FRMD4A: variants seen among roughly 807,000 people sequenced by gnomAD.
FRMD4A encodes the protein FERM domain-containing protein 4A.
Under a neutral mutation model 129.1 loss-of-function variants are expected in FRMD4A, and 29 were observed. The ratio of observed to expected loss-of-function variants is 0.22; its 90% confidence interval spans 0.17 to 0.31. The LOEUF (loss-of-function observed/expected upper bound fraction) is 0.31. FRMD4A is among the 10% of genes least tolerant of loss of function. The pLI is 1.00. For synonymous variants in FRMD4A, 634 were observed against 571.6 expected (o/e 1.11, Z -1.56); for missense variants, 1,272 against 1,375.8 (o/e 0.92, Z 1.19).
At chr10:13,732,825 G>T (rs1262839938) in intron 12 of FRMD4A, among the ~76,000 whole-genome samples, 2 of 152,250 alleles carry the variant, frequency 1.3e-5, no homozygotes, top group Admixed American at 1.3e-4. Flanking sequence ...GGTGTGCAGG[G>T]ACACTGCTGG....
intron 15 of FRMD4A, among the ~76,000 whole-genome samples, chr10:13,687,314 A>T (rs140533564): frequency 2.1e-3 from 315 of 152,270 alleles, no homozygotes; most frequent in African/African-American, 7.1e-3. Context: ...AAATGAATGA[A>T]TGAATGAGCT....
intron 2 of FRMD4A, among the ~76,000 whole-genome samples, chr10:13,968,571 G>A (rs1342609377): frequency 6.6e-6 from 1 of 152,198 alleles, no homozygotes; most frequent in Non-Finnish European, 1.5e-5. Flanking sequence ...TCCCGCCTCA[G>A]CCTCCCGAGT....
intron 2 of FRMD4A, among the ~76,000 whole-genome samples, chr10:13,908,042 G>A (rs1440129714): frequency 1.3e-5 from 2 of 151,530 alleles, no homozygotes; most frequent in Non-Finnish European, 2.9e-5. Context: ...GCGGGCACCT[G>A]TAATCCCAGC....
At chr10:14,195,216 G>A (rs1441862064) in intron 2 of FRMD4A, among the ~76,000 whole-genome samples, 1 of 152,108 alleles carries the variant, frequency 6.6e-6, no homozygotes, top group Non-Finnish European at 1.5e-5. Flanking sequence ...TTTTGCTTGA[G>A]TGGAAACAGG....
intron 2 of FRMD4A, among the ~76,000 whole-genome samples, chr10:13,869,686 T>C (rs1358642308): frequency 1.3e-5 from 2 of 152,312 alleles, no homozygotes; most frequent in Admixed American, 6.5e-5. Flanking sequence ...GCTTTCTGGG[T>C]GACATCCAAC....
intron 2 of FRMD4A, among the ~76,000 whole-genome samples, chr10:14,236,762 A>T (rs1843831298): frequency 6.6e-6 from 1 of 152,172 alleles, no homozygotes; most frequent in Non-Finnish European, 1.5e-5. Flanking sequence ...CAGATTAACA[A>T]ACAAATAATC....
chr10:13,779,326 A>G (rs28415230), intron 6 of FRMD4A, among the ~76,000 whole-genome samples: 6 of 152,112 alleles, frequency 3.9e-5, no homozygotes, highest in Admixed American at 3.9e-4. Context: ...CAAGAAAAAA[A>G]AAAAAAAGAC....
chr10:13,823,920 C>A (rs375020094), intron 3 of FRMD4A, among the ~76,000 whole-genome samples: 14 of 152,144 alleles, frequency 9.2e-5, no homozygotes, highest in African/African-American at 3.4e-4. Flanking sequence ...GTGTAACGGA[C>A]GGAAGGTGTG....
chr10:14,266,865 A>G (rs1327292315), intron 2 of FRMD4A, among the ~76,000 whole-genome samples: 1 of 152,240 alleles, frequency 6.6e-6, no homozygotes, highest in East Asian at 1.9e-4. Context: ...AAAAATACAT[A>G]GAGTAGTCAA....
At chr10:14,084,378 C>T (rs948647326) in intron 2 of FRMD4A, among the ~76,000 whole-genome samples, 2 of 152,180 alleles carry the variant, frequency 1.3e-5, no homozygotes, top group Non-Finnish European at 2.9e-5. Context: ...AACTCCTGAC[C>T]TCAAGTGATC....
chr10:14,127,464 G>A (rs1347641586), intron 2 of FRMD4A, among the ~76,000 whole-genome samples: 2 of 152,210 alleles, frequency 1.3e-5, no homozygotes, highest in Admixed American at 1.3e-4. Flanking sequence ...AGATGGAGAA[G>A]GTTTTTAGGG....
At chr10:14,245,283 G>T (rs561029818) in intron 2 of FRMD4A, among the ~76,000 whole-genome samples, 1 of 152,354 alleles carries the variant, frequency 6.6e-6, no homozygotes, top group South Asian at 2.1e-4. Context: ...CTCCGGGTTC[G>T]TTGGTGAGGT....
intron 3 of FRMD4A, among the ~76,000 whole-genome samples, chr10:13,827,156 G>C (rs11258653): frequency 6.6e-6 from 1 of 151,970 alleles, no homozygotes; most frequent in South Asian, 2.1e-4. Context: ...TGGACTCTGT[G>C]GAGGGAGATC....
intron 24 of FRMD4A, among the ~76,000 whole-genome samples, chr10:13,649,953 C>T (rs547924345): frequency 2.6e-5 from 4 of 152,232 alleles, no homozygotes; most frequent in African/African-American, 9.6e-5. Flanking sequence ...CAACTGTGAC[C>T]CAGAAGAGCA....
intron 4 of FRMD4A, among the ~76,000 whole-genome samples, chr10:13,804,234 G>C (rs763288333): frequency 6.6e-6 from 1 of 152,210 alleles, no homozygotes; most frequent in Non-Finnish European, 1.5e-5. Context: ...CAGATAATAC[G>C]TGGAAATCCC....
intron 2 of FRMD4A, among the ~76,000 whole-genome samples, chr10:14,322,137 C>T (rs1717504): frequency 0.51 from 78,057 of 151,604 alleles, 20,449 homozygotes; most frequent in Non-Finnish European, 0.57. Context: ...TATAGCAATG[C>T]AAGAATGAAC....
intron 12 of FRMD4A, chr10:13,707,469 G>A (rs1446578389): frequency 2.0e-6 from 2 of 1,023,860 alleles, no homozygotes; most frequent in Non-Finnish European, 2.3e-6. Flanking sequence ...GGAGACCGGG[G>A]AGAGGGACCC....
intron 2 of FRMD4A, among the ~76,000 whole-genome samples, chr10:14,312,050 T>C (rs1846567648): frequency 6.6e-6 from 1 of 152,222 alleles, no homozygotes; most frequent in African/African-American, 2.4e-5. Context: ...AAGGTTTCTT[T>C]GTGCTTTAGG....
At chr10:13,694,772 T>G (rs372916953) in intron 14 of FRMD4A, among the ~76,000 whole-genome samples, 5 of 151,468 alleles carry the variant, frequency 3.3e-5, no homozygotes, top group African/African-American at 1.2e-4. Flanking sequence ...AGCCCAGGAG[T>G]TGGAGGCTGC....
Sources: allele counts gnomAD v4.1 joint callset (sites outside exome capture counted in the v4.1 genomes callset), GRCh38; gene constraint gnomAD v4.1.1; transcripts MANE v1.5; gene names NCBI Gene and HGNC (gene_info 2026-07-23, HGNC 2026-07-21).